PCDHA2: variants seen among roughly 807,000 people sequenced by gnomAD.
PCDHA2 encodes the protein protocadherin alpha 2.
A neutral mutation model predicts 66.0 loss-of-function variants in PCDHA2; 58 were observed. The observed-to-expected ratio is 0.88, with a 90% CI of 0.71 to 1.09. The LOEUF (loss-of-function observed/expected upper bound fraction) is 1.09, where lower values mean the gene tolerates loss of function less well. Ranked by LOEUF, PCDHA2 falls within the 50% of genes least tolerant of loss-of-function variation. The probability of loss-of-function intolerance (pLI) is 0.00; values close to 1 mark genes in which losing one functional copy is unlikely to be tolerated. For synonymous variants in PCDHA2, 634 were observed against 554.0 expected (o/e 1.14, Z -2.03); for missense variants, 1,267 against 1,242.3 (o/e 1.02, Z -0.30).
intron 1 of PCDHA2, chr5:140,804,325 A>G (rs954651388): frequency 3.3e-5 from 5 of 152,066 alleles, no homozygotes; most frequent in Admixed American, 2.0e-4. Flanking sequence ...TACTACTTTA[A>G]TAATACTACT....
In PCDHA2 at chr5:140,850,072, A is replaced by C. The variant is rs2150465925; in HGVS notation, c.2388+52720A>C. 113 of 1,596,472 alleles carry C rather than the reference A, an allele frequency of 7.1e-5. 13 individuals are homozygous for C. The Admixed American group carries it at 1.8e-3, about 25-fold the overall frequency. On this transcript the variant is annotated intron_variant, in intron 1 of 3. Coordinates refer to ENST00000526136, the MANE Select transcript of PCDHA2 (RefSeq NM_018905.3). The stretch of plus-strand genomic sequence containing the variant: ...TACGCGCTGCAGCCGTTGGACCACG[A>C]GGAGCTGGAGCTGCTACAGTTCCAG...
Position 140,841,491 on chromosome 5 carries a change from C to A in PCDHA2, c.2388+44139C>A, listed in dbSNP as rs2150316592. The stretch of plus-strand genomic sequence containing the variant: ...GCGCAGGACCTGGGGCTGGAGCTGG[C>A]GGAGCTGGTGCCGCGCCTGTTCCGG... On this transcript the variant is annotated intron_variant, in intron 1 of 3. Coordinates refer to ENST00000526136, the MANE Select transcript of PCDHA2 (RefSeq NM_018905.3). 2.8e-5 allele frequency: 45 copies of A among 1,612,948 alleles called. No individual in the cohort carries two copies. Among genetic ancestry groups the A allele is most frequent in the African/African-American group, 1.5e-4 (11 of 74,822 alleles).
intron 1 of PCDHA2, among the ~76,000 whole-genome samples, chr5:140,930,708 C>T (rs1554208021): frequency 2.0e-5 from 3 of 152,088 alleles, no homozygotes; most frequent in Admixed American, 2.0e-4. Flanking sequence ...AGTTATTCTT[C>T]CTCAAGTAAT....
intron 1 of PCDHA2, chr5:140,878,061 AT>A (rs2057460632): frequency 2.4e-6 from 1 of 424,416 alleles, no homozygotes; most frequent in Non-Finnish European, 3.8e-6. Context: ...CACACTTAAT[AT>A]TTTTCTTTTT....
chr5:140,888,271 T>A (rs1466153758), intron 1 of PCDHA2, among the ~76,000 whole-genome samples: 2 of 152,068 alleles, frequency 1.3e-5, no homozygotes, highest in African/African-American at 4.8e-5. Context: ...TAAGAAACAG[T>A]TTTGTCCCCT....
chr5:140,864,892 A>G (rs1240811455), intron 1 of PCDHA2: 4 of 152,184 alleles, frequency 2.6e-5, no homozygotes, highest in African/African-American at 4.8e-5. Flanking sequence ...ATTAAGCTGC[A>G]TGGTCTTCAG....
chr5:140,969,339 A>AGTG (rs782647003), intron 1 of PCDHA2: 3 of 1,613,948 alleles, frequency 1.9e-6, no homozygotes, highest in African/African-American at 2.7e-5. Flanking sequence ...GAGGTGAGAC[A>AGTG]GTGGTCAGGG....
intron 3 of PCDHA2, among the ~76,000 whole-genome samples, chr5:141,005,586 C>T (rs1428172819): frequency 6.6e-6 from 1 of 150,712 alleles, no homozygotes; most frequent in Non-Finnish European, 1.5e-5. Flanking sequence ...CCTGTAGTCC[C>T]AGCTACACAG....
intron 3 of PCDHA2, among the ~76,000 whole-genome samples, chr5:140,988,674 T>C (rs1221039125): frequency 1.3e-5 from 2 of 152,240 alleles, no homozygotes; most frequent in Non-Finnish European, 2.9e-5. Context: ...GACTCTAAGA[T>C]AATTCTTTCC....
At position 140,869,969 on chromosome 5, in the gene PCDHA2, G is replaced by A. The variant is rs147407508; in HGVS notation, c.2388+72617G>A. 57 of 1,613,134 alleles carry A rather than the reference G, an allele frequency of 3.5e-5. No individual in the cohort carries two copies. In the African/African-American group the frequency reaches 7.1e-4, roughly 20 times the overall value. On this transcript the variant is annotated intron_variant, in intron 1 of 3. Coordinates refer to ENST00000526136, the MANE Select transcript of PCDHA2 (RefSeq NM_018905.3). Reference sequence around the variant, plus strand: ...TTAATGTCAATTAAGCCCAATGGAAGACACTTATTTACACTAGATCAAAAT... The same window carrying A: ...TTAATGTCAATTAAGCCCAATGGAAAACACTTATTTACACTAGATCAAAAT...
chr5:140,980,487 G>C (rs2096891705), intron 2 of PCDHA2, among the ~76,000 whole-genome samples: 1 of 152,124 alleles, frequency 6.6e-6, no homozygotes, highest in African/African-American at 2.4e-5. Flanking sequence ...AAAATTAGCT[G>C]GGCGTGATGG....
At chr5:140,958,746 G>A (rs946339571) in intron 1 of PCDHA2, among the ~76,000 whole-genome samples, 3 of 152,184 alleles carry the variant, frequency 2.0e-5, no homozygotes, top group African/African-American at 7.2e-5. Context: ...AGAGAGAAAG[G>A]AGATTTTTAC....
intron 1 of PCDHA2, chr5:140,828,776 C>A (rs200187130): frequency 1.9e-6 from 3 of 1,614,060 alleles, no homozygotes; most frequent in Non-Finnish European, 2.5e-6. Flanking sequence ...TGTTCAGCTG[C>A]TGGTCACAGT....
Position 140,982,372 on chromosome 5 carries a change from C to G in PCDHA2, c.2448-103C>G, listed in dbSNP as rs1479669249. 1.9e-6 allele frequency: 3 copies of G among 1,554,840 alleles called. No homozygotes were observed. In the East Asian group the frequency reaches 7.0e-5, roughly 36 times the overall value. ...TTCAAGCATGAGCAGAATGTGTTAG[C>G]TGCAGCCCTGGCTTCATAGTTGTAA... On this transcript the variant is annotated intron_variant, in intron 2 of 3. Coordinates refer to ENST00000526136, the MANE Select transcript of PCDHA2 (RefSeq NM_018905.3).
chr5:140,830,219 C>G (rs2150182909), intron 1 of PCDHA2: 3 of 1,613,894 alleles, frequency 1.9e-6, no homozygotes, highest in Admixed American at 3.3e-5. Context: ...GGTATCCAGC[C>G]TGCTGGTCCT....
rs2150498276 is a variant in PCDHA2, at chr5:140,850,785, A to C, written c.2388+53433A>C. The C allele has an allele frequency of 0.62, 994,993 of 1,596,634 alleles. 342,814 individuals carry two copies. Among genetic ancestry groups the C allele is most frequent in the African/African-American group, 0.72 (53,321 of 73,960 alleles). Reference sequence around the variant, plus strand: ...GCAGAGGGTGTGCTCTGGCGAGGGTAAGCAGAAGACCGACCTCATGGCCTT... The same window carrying C: ...GCAGAGGGTGTGCTCTGGCGAGGGTCAGCAGAAGACCGACCTCATGGCCTT... On this transcript the variant is annotated intron_variant, in intron 1 of 3. Coordinates refer to ENST00000526136, the MANE Select transcript of PCDHA2 (RefSeq NM_018905.3).
chr5:140,851,194 T>G (rs1484208641), intron 1 of PCDHA2: 1 of 1,213,702 alleles, frequency 8.2e-7, no homozygotes, highest in Non-Finnish European at 1.1e-6. Flanking sequence ...AATTTAGTTG[T>G]TAGTCATTCA....
intron 1 of PCDHA2, chr5:140,862,841 C>A (rs782790470): frequency 7.0e-5 from 40 of 573,022 alleles, no homozygotes; most frequent in South Asian, 4.5e-4. Flanking sequence ...GCGGGCATGC[C>A]GCCTCTGAGC....
chr5:140,879,475 A>G (rs567061434), intron 1 of PCDHA2, among the ~76,000 whole-genome samples: 1 of 152,326 alleles, frequency 6.6e-6, no homozygotes, highest in Non-Finnish European at 1.5e-5. Flanking sequence ...TACCGTTGTG[A>G]TTGGAAATAT....
Sources: allele counts gnomAD v4.1 joint callset (sites outside exome capture counted in the v4.1 genomes callset), GRCh38; gene constraint gnomAD v4.1.1; transcripts MANE v1.5; gene names NCBI Gene and HGNC (gene_info 2026-07-23, HGNC 2026-07-21).